TLE4: variants seen among roughly 807,000 people sequenced by gnomAD.
TLE4 encodes TLE family member 4, transcriptional corepressor.
In TLE4, 8 loss-of-function variants were observed where a neutral mutation model predicts 92.8. The observed-to-expected ratio is 0.09, with a 90% CI of 0.05 to 0.16. TLE4 has a LOEUF of 0.16. TLE4 is among the 10% of genes least tolerant of loss of function. TLE4 has a pLI of 1.00. For missense variants in TLE4, 675 were observed against 997.6 expected, an observed-to-expected ratio of 0.68 and a Z score of 4.36; for synonymous variants, 371 against 374.1, an observed-to-expected ratio of 0.99 and a Z score of 0.10.
intron 4 of TLE4, among the ~76,000 whole-genome samples, chr9:79,606,525 C>G (rs892486848): frequency 1.1e-4 from 16 of 151,892 alleles, no homozygotes; most frequent in African/African-American, 3.1e-4. Context: ...ATCCCTCCCC[C>G]AGTCCCCCAC....
chr9:79,581,296 G>A lies in TLE4; in HGVS notation c.252+5119G>A, dbSNP rs142265058. ...CACCTTGGGCAGGACCCAGTGACCT[G>A]TCCTTTTACTTATTACAGCACCTGC... On this transcript the variant is annotated intron_variant, in intron 4 of 19. Transcript: ENST00000376552. Among the ~76,000 whole-genome samples, 5 of 152,300 alleles carry A rather than the reference G, an allele frequency of 3.3e-5. No homozygotes were observed. In the East Asian group the frequency reaches 9.6e-4, roughly 29 times the overall value.
Position 79,572,163 on chromosome 9 carries a change from GA to G in TLE4, c.-624del, listed in dbSNP as rs1178748331. The G allele has an allele frequency of 2.6e-5, 4 of 151,346 alleles. No homozygotes were observed. Among genetic ancestry groups the G allele is most frequent in the African/African-American group, 4.9e-5 (2 of 41,120 alleles). The allele number at this position is 151,346 out of a possible 1,614,324, so 9.4% of individuals were successfully genotyped here. ...CAATTTGGGGTTAAAAAAAAGACAA[GA>G]AAACAGGAAGGAAGAGAAATAAGGA... On this transcript the variant is annotated 5_prime_UTR_variant, in exon 1 of 20. Coordinates refer to ENST00000376552, the MANE Select transcript of TLE4 (RefSeq NM_007005.6).
At chr9:79,610,637 T>C (rs890399950) in intron 4 of TLE4, among the ~76,000 whole-genome samples, 3 of 152,112 alleles carry the variant, frequency 2.0e-5, no homozygotes, top group Admixed American at 2.0e-4. Flanking sequence ...AGGAGATCTT[T>C]AACGGAAGTT....
intron 6 of TLE4, among the ~76,000 whole-genome samples, chr9:79,629,899 TTC>T (rs1220484317): frequency 6.6e-6 from 1 of 152,206 alleles, no homozygotes. Context: ...GCACTTGCTG[TTC>T]TCTGTCCCTT....
intron 1 of TLE4, chr9:79,573,387 C>T: frequency 8.5e-7 from 1 of 1,170,050 alleles, no homozygotes; most frequent in African/African-American, 1.6e-5. Flanking sequence ...AGGGAGTGGG[C>T]GCGGCGCGCG....
intron 8 of TLE4, among the ~76,000 whole-genome samples, chr9:79,680,742 A>G (rs1342007067): frequency 2.6e-5 from 4 of 152,194 alleles, no homozygotes; most frequent in Non-Finnish European, 5.9e-5. Context: ...TTGTCCATTC[A>G]GTATGATATT....
At chr9:79,624,372 A>G (rs547159280) in intron 5 of TLE4, among the ~76,000 whole-genome samples, 3 of 152,100 alleles carry the variant, frequency 2.0e-5, no homozygotes, top group East Asian at 3.9e-4. Flanking sequence ...GAGCTAATAT[A>G]TTAGGGTGTT....
intron 6 of TLE4, among the ~76,000 whole-genome samples, chr9:79,646,909 C>G (rs1171709279): frequency 1.3e-5 from 2 of 152,154 alleles, no homozygotes; most frequent in African/African-American, 4.8e-5. Context: ...GACTGATAAA[C>G]ATGAATTTAT....
At position 79,668,600 on chromosome 9, in the gene TLE4, T is replaced by TA. The variant is rs201671599; in HGVS notation, c.609+14526dup. ...CAGGTGGCTTGCAGGCCAAGAATGTTACAACAGAAATAGTTTCCAGATTCC... is the reference window on the plus strand; with the variant it reads ...CAGGTGGCTTGCAGGCCAAGAATGTTAACAACAGAAATAGTTTCCAGATTCC... On this transcript the variant is annotated intron_variant, in intron 8 of 19. Transcript: ENST00000376552. 7.4e-3 allele frequency among the ~76,000 whole-genome samples: 1,134 copies of TA among 152,276 alleles called. 4 individuals are homozygous for TA. Among genetic ancestry groups the TA allele is most frequent in the Non-Finnish European group, 0.011 (768 of 68,016 alleles).
intron 5 of TLE4, among the ~76,000 whole-genome samples, chr9:79,615,675 T>G (rs2049394312): frequency 6.6e-6 from 1 of 152,226 alleles, no homozygotes; most frequent in Admixed American, 6.5e-5. Flanking sequence ...TGATAACTAT[T>G]AAATTTAGCT....
At chr9:79,606,410 G>A (rs2046992345) in intron 4 of TLE4, among the ~76,000 whole-genome samples, 2 of 148,148 alleles carry the variant, frequency 1.3e-5, no homozygotes, top group African/African-American at 2.5e-5. Flanking sequence ...TAAGTTCTAG[G>A]GTGCATGTGC....
At chr9:79,594,159 T>TA (rs2043367733) in intron 4 of TLE4, among the ~76,000 whole-genome samples, 2 of 152,240 alleles carry the variant, frequency 1.3e-5, no homozygotes, top group Non-Finnish European at 2.9e-5. Context: ...AGAGCAGTGC[T>TA]GCTCAAAATT....
chr9:79,647,632 C>T (rs1439941897), intron 6 of TLE4, among the ~76,000 whole-genome samples: 2 of 151,984 alleles, frequency 1.3e-5, no homozygotes, highest in Non-Finnish European at 2.9e-5. Flanking sequence ...TGTATAAAAT[C>T]ATGCTGATAT....
chr9:79,722,834 G>T (rs2075856357), intron 18 of TLE4, 125 bp from the exon 19 acceptor site: 3 of 1,030,558 alleles, frequency 2.9e-6, no homozygotes, highest in Non-Finnish European at 2.8e-6. Flanking sequence ...CTTTATTTTT[G>T]AAGTGAAAGT....
chr9:79,585,438 C>T (rs1304708399), intron 4 of TLE4, among the ~76,000 whole-genome samples: 1 of 152,224 alleles, frequency 6.6e-6, no homozygotes, highest in Non-Finnish European at 1.5e-5. Flanking sequence ...AGCATACTTA[C>T]TACCTTCCCC....
At chr9:79,664,674 G>A (rs138319379) in intron 8 of TLE4, among the ~76,000 whole-genome samples, 1 of 152,156 alleles carries the variant, frequency 6.6e-6, no homozygotes, top group African/African-American at 2.4e-5. Context: ...CCCCACCCCT[G>A]ACCTCTTCTG....
At chr9:79,595,682 A>G (rs139448582) in intron 4 of TLE4, among the ~76,000 whole-genome samples, 2,141 of 152,254 alleles carry the variant, frequency 0.014, 21 homozygotes, top group African/African-American at 0.03. Flanking sequence ...CGTATGTAGC[A>G]TAGTTAAGTC....
At chr9:79,714,616 T>A (rs944445597) in intron 14 of TLE4, among the ~76,000 whole-genome samples, 2 of 152,260 alleles carry the variant, frequency 1.3e-5, no homozygotes, top group African/African-American at 4.8e-5. Context: ...ACATAAACTT[T>A]CTTTCCTTTT....
rs542502397 is a variant in TLE4, at chr9:79,573,923, A to G, written c.143+137A>G. 8.7e-4 allele frequency: 418 copies of G among 482,134 alleles called. 1 individual carries two copies. The highest frequency in any genetic ancestry group is 2.7e-3 in the South Asian group (48 of 17,796). The allele number at this position is 482,134 out of a possible 1,614,324, so 29.9% of individuals were successfully genotyped here. On this transcript the variant is annotated intron_variant, in intron 2 of 19. Transcript: ENST00000376552. The stretch of plus-strand genomic sequence containing the variant: ...TATTTTTTTTTCTCGGTGGGCAGAA[A>G]GGGCAAATCAAGGCCTCCTTCCTTA...
Sources: gnomAD v4.1 joint callset for allele counts (sites outside exome capture counted in the v4.1 genomes callset) on GRCh38, gnomAD v4.1.1 for gene constraint, MANE v1.5 for transcripts, NCBI Gene and HGNC (gene_info 2026-07-23, HGNC 2026-07-21) for gene names.